MBNL2: variants seen among roughly 807,000 people sequenced by gnomAD.
MBNL2 encodes the protein muscleblind-like protein 2.
Under a neutral mutation model 41.9 loss-of-function variants are expected in MBNL2, and 17 were observed. The observed-to-expected ratio is 0.41, with a 90% CI of 0.28 to 0.61. MBNL2 has a LOEUF of 0.61. Ranked by LOEUF, MBNL2 falls within the 20% of genes least tolerant of loss-of-function variation. The pLI, the probability that MBNL2 is intolerant of heterozygous loss-of-function variation, is 0.35. For synonymous variants in MBNL2, 195 were observed against 182.9 expected (o/e 1.07, Z -0.53); for missense variants, 336 against 505.6 (o/e 0.66, Z 3.22).
At chr13:97,163,995 CTTTTTACT>C in the MBNL2 span, among the ~76,000 whole-genome samples, 24 of 152,170 alleles carry the variant, frequency 1.6e-4, no homozygotes, top group South Asian at 1.7e-3. Flanking sequence ...TTTTATTTTT[CTTTTTACT>C]TTTTTACTTT....
At chr13:97,362,728 G>C (rs112680152) in intron 7 of MBNL2, among the ~76,000 whole-genome samples, 55 of 152,282 alleles carry the variant, frequency 3.6e-4, no homozygotes, top group African/African-American at 1.2e-3. Flanking sequence ...AGAAGCTGGA[G>C]AATGAACTAA....
At chr13:97,252,954 T>C (rs920017075) in intron 1 of MBNL2, among the ~76,000 whole-genome samples, 2 of 152,174 alleles carry the variant, frequency 1.3e-5, no homozygotes, top group African/African-American at 4.8e-5. Flanking sequence ...CAAAAATAAA[T>C]GGTTAGTGAC....
Position 97,367,331 on chromosome 13 carries a change from G to A in MBNL2, c.1048+2160G>A, listed in dbSNP as rs574164408. Among the ~76,000 whole-genome samples, 23 of 152,330 alleles carry A rather than the reference G, an allele frequency of 1.5e-4. No individual in the cohort carries two copies. The South Asian group carries it at 4.4e-3, about 29-fold the overall frequency. On this transcript the variant is annotated intron_variant, in intron 8 of 8. Coordinates refer to ENST00000679496, the MANE Select transcript of MBNL2 (RefSeq NM_001382683.1). ...AAACATGTGCTCCTAGCCACAAGGA[G>A]ACAGCGTGAGGGTGAGTGAGCAGAA...
chr13:97,171,890 G>GAA, the MBNL2 span, among the ~76,000 whole-genome samples: 556 of 152,262 alleles, frequency 3.7e-3, 6 homozygotes, highest in African/African-American at 0.012. Flanking sequence ...TTAATAAGGG[G>GAA]AAACTCTTTT....
chr13:97,242,245 A>G (rs2044438662), intron 1 of MBNL2, among the ~76,000 whole-genome samples: 1 of 152,150 alleles, frequency 6.6e-6, no homozygotes, highest in African/African-American at 2.4e-5. Flanking sequence ...GGGTGTTTAG[A>G]TCTAGGAAAG....
intron 2 of MBNL2, among the ~76,000 whole-genome samples, chr13:97,309,731 G>A (rs759706022): frequency 3.3e-5 from 5 of 152,178 alleles, no homozygotes; most frequent in Non-Finnish European, 7.3e-5. Flanking sequence ...GGAAATTCAG[G>A]GAAGAAAGAG....
At chr13:97,370,103 AT>A (rs2064219614) in intron 8 of MBNL2, among the ~76,000 whole-genome samples, 1 of 152,166 alleles carries the variant, frequency 6.6e-6, no homozygotes. Flanking sequence ...TAGACACTCA[AT>A]TCTTAACAAT....
chr13:97,287,646 A>G (rs950551324), intron 2 of MBNL2, among the ~76,000 whole-genome samples: 2 of 150,718 alleles, frequency 1.3e-5, no homozygotes, highest in African/African-American at 4.9e-5. Flanking sequence ...GTTGTTTTTT[A>G]TTCCAAGATT....
At chr13:97,141,897 C>T in the MBNL2 span, among the ~76,000 whole-genome samples, 7 of 152,184 alleles carry the variant, frequency 4.6e-5, no homozygotes, top group Non-Finnish European at 1.0e-4. Flanking sequence ...AGCCTTGGAA[C>T]ATTCACCCAG....
intron 2 of MBNL2, among the ~76,000 whole-genome samples, chr13:97,279,088 T>C (rs1371962488): frequency 6.6e-6 from 1 of 152,184 alleles, no homozygotes; most frequent in African/African-American, 2.4e-5. Flanking sequence ...GACCAAAAAA[T>C]AGTAGCTAAA....
chr13:97,231,908 C>T (rs1387332447), intron 1 of MBNL2, among the ~76,000 whole-genome samples: 1 of 151,872 alleles, frequency 6.6e-6, no homozygotes, highest in African/African-American at 2.4e-5. Flanking sequence ...GATGTGCCTA[C>T]TTGCATCCTC....
At chr13:97,352,584 C>G (rs920116053) in intron 5 of MBNL2, among the ~76,000 whole-genome samples, 1 of 152,108 alleles carries the variant, frequency 6.6e-6, no homozygotes, top group African/African-American at 2.4e-5. Context: ...GATCACAAAT[C>G]ATCATGAGAG....
the MBNL2 span, among the ~76,000 whole-genome samples, chr13:97,162,338 G>C: frequency 1.3e-5 from 2 of 152,136 alleles, no homozygotes; most frequent in African/African-American, 4.8e-5. Context: ...AGTATGGTAG[G>C]AGAAGAGGAA....
At chr13:97,201,346 C>G in the MBNL2 span, among the ~76,000 whole-genome samples, 8,936 of 152,206 alleles carry the variant, frequency 0.059, 308 homozygotes, top group African/African-American at 0.071. Flanking sequence ...AATGTTGCAC[C>G]TCACATGCTT....
chr13:97,245,833 A>G (rs1202130586), intron 1 of MBNL2, among the ~76,000 whole-genome samples: 1 of 152,206 alleles, frequency 6.6e-6, no homozygotes, highest in Non-Finnish European at 1.5e-5. Flanking sequence ...ACTGAAACAA[A>G]TCTGAAATTC....
At chr13:97,233,444 TC>T (rs1467786500) in intron 1 of MBNL2, among the ~76,000 whole-genome samples, 1 of 150,492 alleles carries the variant, frequency 6.6e-6, no homozygotes, top group East Asian at 2.0e-4. Flanking sequence ...TTTTCTAATG[TC>T]CTGTTCTCTC....
At chr13:97,266,395 A>G (rs1205308689) in intron 1 of MBNL2, among the ~76,000 whole-genome samples, 1 of 152,232 alleles carries the variant, frequency 6.6e-6, no homozygotes. Context: ...TTGCATTTGC[A>G]TCTCATTCAC....
chr13:97,271,810 A>T (rs1224665392), intron 1 of MBNL2, among the ~76,000 whole-genome samples: 7 of 152,060 alleles, frequency 4.6e-5, no homozygotes, highest in African/African-American at 1.4e-4. Flanking sequence ...CATTTTCTTT[A>T]TCCAGCCTAT....
At chr13:97,345,077 T>C (rs1019660487) in intron 4 of MBNL2, among the ~76,000 whole-genome samples, 1 of 152,204 alleles carries the variant, frequency 6.6e-6, no homozygotes, top group Non-Finnish European at 1.5e-5. Flanking sequence ...TTGGCTAATA[T>C]CCAAAGTAGG....
Sources: gnomAD v4.1 joint callset for allele counts (sites outside exome capture counted in the v4.1 genomes callset) on GRCh38, gnomAD v4.1.1 for gene constraint, MANE v1.5 for transcripts, NCBI Gene and HGNC (gene_info 2026-07-23, HGNC 2026-07-21) for gene names.